Variants in CPS1 observed in about 807,000 individuals in gnomAD.
CPS1 encodes the protein carbamoyl-phosphate synthase [ammonia], mitochondrial.
CPS1 carries 109 observed loss-of-function variants against 174.6 expected under a neutral mutation model. The ratio of observed to expected loss-of-function variants is 0.62; its 90% confidence interval spans 0.53 to 0.73. The LOEUF (loss-of-function observed/expected upper bound fraction) is 0.73. CPS1 is among the 30% of genes least tolerant of loss of function. CPS1 has a pLI of 0.00. For synonymous variants in CPS1, 637 were observed against 632.0 expected (o/e 1.01, Z -0.12); for missense variants, 1,689 against 1,821.9 (o/e 0.93, Z 1.33).
intron 1 of CPS1, among the ~76,000 whole-genome samples, chr2:210,518,962 A>G (rs1695751526): frequency 6.6e-6 from 1 of 152,012 alleles, no homozygotes; most frequent in Non-Finnish European, 1.5e-5. Flanking sequence ...TGAAAGCCTT[A>G]AAAACATCTT....
At chr2:210,633,014 A>G (rs1267098820) in intron 21 of CPS1, among the ~76,000 whole-genome samples, 1 of 152,230 alleles carries the variant, frequency 6.6e-6, no homozygotes, top group East Asian at 1.9e-4. Context: ...AGAATCAACT[A>G]GTGAGATTAA....
chr2:210,619,610 ATCAC>A (rs1699436420), intron 21 of CPS1: 1 of 152,006 alleles, frequency 6.6e-6, no homozygotes, highest in Non-Finnish European at 1.5e-5. Context: ...TTTATGATGC[ATCAC>A]TTATTTTAAT....
At chr2:210,607,740 C>T (rs2105851455) in intron 18 of CPS1, among the ~76,000 whole-genome samples, 1 of 151,918 alleles carries the variant, frequency 6.6e-6, no homozygotes, top group Admixed American at 6.6e-5. Flanking sequence ...GGAAGTTGTA[C>T]TAAAGAACTC....
At chr2:210,507,469 C>A (rs1185235454) in intron 1 of CPS1, among the ~76,000 whole-genome samples, 1 of 152,122 alleles carries the variant, frequency 6.6e-6, no homozygotes, top group African/African-American at 2.4e-5. Context: ...AGTGCATCAA[C>A]TAACGAGCAA....
chr2:210,626,957 TA>T (rs1432740080), intron 21 of CPS1, among the ~76,000 whole-genome samples: 2 of 152,202 alleles, frequency 1.3e-5, no homozygotes, highest in Non-Finnish European at 2.9e-5. Context: ...GTGTGTGTCA[TA>T]CTTTATGTCA....
chr2:210,514,486 T>C (rs1695618347), intron 1 of CPS1, among the ~76,000 whole-genome samples: 1 of 151,758 alleles, frequency 6.6e-6, no homozygotes. Flanking sequence ...AGCTTGAACA[T>C]TATTGGTATA....
Position 210,592,909 on chromosome 2 carries a change from G to C in CPS1, c.1117G>C (p.Ala373Pro). 5 of 1,612,202 alleles carry C rather than the reference G, an allele frequency of 3.1e-6. No homozygotes were observed. Among genetic ancestry groups the C allele is most frequent in the Non-Finnish European group, 4.2e-6 (5 of 1,178,972 alleles). Residue 373 changes from alanine (A) to proline (P), a missense_variant, in exon 11 of 38, where the codon GCT becomes CCT. By Grantham distance (27) the Ala-to-Pro change is conservative. Coordinates refer to ENST00000233072, the MANE Select transcript of CPS1 (RefSeq NM_001875.5). ...GIMHESKPFF[A>P]VQFHPEVTPG... is the part of the protein sequence containing the mutation. ...TATGCATGAGAGCAAACCCTTCTTC[G>C]CTGTGCAGTTCCACCCAGAGGTCAC...
chr2:210,532,793 G>A (rs966469319), intron 1 of CPS1, among the ~76,000 whole-genome samples: 47 of 152,122 alleles, frequency 3.1e-4, no homozygotes, highest in Admixed American at 2.5e-3. Context: ...TATCTGGTAA[G>A]CAGAACTACC....
chr2:210,674,849 T>G, intron 34 of CPS1, 53 bp from the exon 35 acceptor site: 2 of 1,356,096 alleles, frequency 1.5e-6, no homozygotes, highest in Non-Finnish European at 2.1e-6. Context: ...CCATATTGCA[T>G]AAATGAAGAG....
intron 1 of CPS1, among the ~76,000 whole-genome samples, chr2:210,572,878 G>A (rs1266479924): frequency 1.3e-5 from 2 of 151,992 alleles, no homozygotes; most frequent in African/African-American, 2.4e-5. Context: ...AAATCTCAGA[G>A]TGATGATGAG....
chr2:210,555,729 C>T (rs1160838263), upstream of CPS1: 4 of 452,498 alleles, frequency 8.8e-6, no homozygotes, highest in Non-Finnish European at 1.3e-5. Context: ...ACTTCCTGTT[C>T]TACATAGTCA....
intron 21 of CPS1, among the ~76,000 whole-genome samples, chr2:210,623,644 TG>T (rs1241311644): frequency 6.6e-6 from 1 of 152,138 alleles, no homozygotes; most frequent in Non-Finnish European, 1.5e-5. Flanking sequence ...AGGACAACCC[TG>T]GTGAGTTCCA....
intron 21 of CPS1, chr2:210,619,361 T>C (rs1699427678): frequency 6.6e-6 from 1 of 152,070 alleles, no homozygotes; most frequent in East Asian, 1.9e-4. Flanking sequence ...TGAAGCTTAA[T>C]TTATATAAGT....
intron 1 of CPS1, among the ~76,000 whole-genome samples, chr2:210,497,241 AT>A (rs1695012286): frequency 2.0e-5 from 3 of 152,318 alleles, no homozygotes; most frequent in African/African-American, 7.2e-5. Context: ...ATAAAGAAGA[AT>A]TTATCCTTAT....
intron 29 of CPS1, among the ~76,000 whole-genome samples, chr2:210,655,029 T>C (rs1203122285): frequency 1.3e-5 from 2 of 152,158 alleles, no homozygotes; most frequent in Non-Finnish European, 2.9e-5. Context: ...TTAAACACTT[T>C]GGTGATACAA....
chr2:210,607,868 A>G (rs182351882), intron 18 of CPS1, among the ~76,000 whole-genome samples: 36 of 151,996 alleles, frequency 2.4e-4, no homozygotes, highest in African/African-American at 7.9e-4. Flanking sequence ...CCAAAGTTCA[A>G]AGATAATTTG....
intron 1 of CPS1, among the ~76,000 whole-genome samples, chr2:210,541,211 T>G (rs1447786971): frequency 6.6e-6 from 1 of 152,160 alleles, no homozygotes; most frequent in African/African-American, 2.4e-5. Flanking sequence ...TAGAAGTGAA[T>G]TTCTCAGGTC....
Position 210,642,464 on chromosome 2 carries a change from C to T in CPS1, c.2960-20C>T, listed in dbSNP as rs769823693. On this transcript the variant is annotated intron_variant, in intron 24 of 37. Coordinates refer to ENST00000233072, the MANE Select transcript of CPS1 (RefSeq NM_001875.5). Reference sequence around the variant, plus strand: ...TTCGTGCTTCTCTTATCCCTTTTGCCAATCTCATTGTCTCTGCAGGCAGCA... The same window carrying T: ...TTCGTGCTTCTCTTATCCCTTTTGCTAATCTCATTGTCTCTGCAGGCAGCA... The T allele has an allele frequency of 1.9e-6, 3 of 1,613,836 alleles. No homozygotes were observed. Among genetic ancestry groups the T allele is most frequent in the Non-Finnish European group, 2.5e-6 (3 of 1,179,770 alleles).
intron 1 of CPS1, among the ~76,000 whole-genome samples, chr2:210,502,176 A>G (rs1695156721): frequency 6.6e-6 from 1 of 151,934 alleles, no homozygotes; most frequent in African/African-American, 2.4e-5. Context: ...CCCACCCTTG[A>G]CACGTGGAGA....
Sources: gnomAD v4.1 joint callset for allele counts (sites outside exome capture counted in the v4.1 genomes callset) on GRCh38, gnomAD v4.1.1 for gene constraint, MANE v1.5 for transcripts, NCBI Gene and HGNC (gene_info 2026-07-23, HGNC 2026-07-21) for gene names.